Variants in CFAP299 observed in about 807,000 individuals in gnomAD.
CFAP299 encodes cilia and flagella associated protein 299, also known as cilia- and flagella-associated protein 299.
Under a neutral mutation model 27.0 loss-of-function variants are expected in CFAP299, and 21 were observed. The observed-to-expected ratio is 0.78, with a 90% confidence interval of 0.55 to 1.12. The LOEUF (loss-of-function observed/expected upper bound fraction) is 1.12, where lower values mean the gene tolerates loss of function less well. Among genes scored for constraint, CFAP299 ranks in the 50% most tolerant of loss-of-function variants. CFAP299 has a pLI of 0.00. For synonymous variants in CFAP299, 104 were observed against 98.1 expected (o/e 1.06, Z -0.36); for missense variants, 310 against 276.6 (o/e 1.12, Z -0.86).
chr4:80,548,038 G>A (rs182272572), intron 2 of CFAP299, among the ~76,000 whole-genome samples: 1 of 152,206 alleles, frequency 6.6e-6, no homozygotes, highest in Admixed American at 6.5e-5. Context: ...TATACCCAAA[G>A]GAAAATAAAT....
At chr4:80,436,361 C>T (rs1475130268) in intron 2 of CFAP299, among the ~76,000 whole-genome samples, 1 of 149,250 alleles carries the variant, frequency 6.7e-6, no homozygotes, top group Non-Finnish European at 1.5e-5. Context: ...TGCAGTGGCG[C>T]GATCTCAGCT....
chr4:80,327,025 C>T, the CFAP299 span, among the ~76,000 whole-genome samples: 3 of 152,034 alleles, frequency 2.0e-5, no homozygotes, highest in South Asian at 4.1e-4. Context: ...TAGTAGTGAT[C>T]ACTAGGCAGA....
At chr4:80,799,251 A>G (rs1330694367) in intron 3 of CFAP299, among the ~76,000 whole-genome samples, 1 of 113,078 alleles carries the variant, frequency 8.8e-6, no homozygotes, top group African/African-American at 3.6e-5. Context: ...TATATATTGT[A>G]TAAATATATT....
intron 4 of CFAP299, among the ~76,000 whole-genome samples, chr4:80,896,013 A>ATTTTTTCAAAATTTTAATTTTAT (rs1734594394): frequency 6.6e-6 from 1 of 151,964 alleles, no homozygotes; most frequent in Non-Finnish European, 1.5e-5. Flanking sequence ...TTTATTTTTG[A>ATTTTTTCAAAATTTTAATTTTAT]TGTGAATTTT....
At chr4:80,671,938 G>A (rs955845930) in intron 3 of CFAP299, among the ~76,000 whole-genome samples, 1 of 151,954 alleles carries the variant, frequency 6.6e-6, no homozygotes, top group Non-Finnish European at 1.5e-5. Flanking sequence ...ATGTCATCAT[G>A]TCATCTGCAC....
chr4:80,788,753 G>A (rs1727386672), intron 3 of CFAP299, among the ~76,000 whole-genome samples: 1 of 151,978 alleles, frequency 6.6e-6, no homozygotes, highest in Admixed American at 6.6e-5. Flanking sequence ...GAAGGGAAGT[G>A]AGAGGAAGAG....
At chr4:80,611,221 A>G (rs1454850064) in intron 3 of CFAP299, among the ~76,000 whole-genome samples, 1 of 152,076 alleles carries the variant, frequency 6.6e-6, no homozygotes, top group Non-Finnish European at 1.5e-5. Context: ...AAAGATATTA[A>G]AAGGAAGCAT....
At chr4:80,684,298 T>G (rs1274266580) in intron 3 of CFAP299, among the ~76,000 whole-genome samples, 1 of 152,008 alleles carries the variant, frequency 6.6e-6, no homozygotes, top group Non-Finnish European at 1.5e-5. Flanking sequence ...GGAGCCTCAC[T>G]TTGTTGCCCA....
At chr4:80,533,126 C>G (rs1733557436) in intron 2 of CFAP299, among the ~76,000 whole-genome samples, 1 of 152,186 alleles carries the variant, frequency 6.6e-6, no homozygotes, top group Non-Finnish European at 1.5e-5. Context: ...CTACTGTAAT[C>G]TGAGTTGAGC....
intron 2 of CFAP299, among the ~76,000 whole-genome samples, chr4:80,505,612 T>C (rs1731987014): frequency 6.6e-6 from 1 of 152,168 alleles, no homozygotes; most frequent in African/African-American, 2.4e-5. Context: ...TAAGCAATAC[T>C]GGAAAGGTAC....
chr4:80,542,564 A>G (rs886634539), intron 2 of CFAP299, among the ~76,000 whole-genome samples: 1 of 152,082 alleles, frequency 6.6e-6, no homozygotes, highest in Admixed American at 6.5e-5. Context: ...GCTCTGACCT[A>G]TGTTAGCTGC....
intron 3 of CFAP299, among the ~76,000 whole-genome samples, chr4:80,698,430 C>T (rs999352251): frequency 2.0e-5 from 3 of 152,156 alleles, no homozygotes; most frequent in Non-Finnish European, 4.4e-5. Context: ...TGAGAATACT[C>T]TATTTGAACT....
At chr4:80,441,350 G>A (rs942438525) in intron 2 of CFAP299, among the ~76,000 whole-genome samples, 9 of 152,190 alleles carry the variant, frequency 5.9e-5, no homozygotes, top group Non-Finnish European at 1.0e-4. Context: ...GAGTAACAGC[G>A]GATCTCTCTG....
rs1356368980 is a variant in CFAP299, at chr4:80,955,025, A to C, written c.607-8492A>C. Among the ~76,000 whole-genome samples the C allele has an allele frequency of 9.2e-5, 10 of 108,402 alleles. 2 individuals carry two copies. Among genetic ancestry groups the C allele is most frequent in the African/African-American group, 3.5e-4 (10 of 28,802 alleles). 71.1% of individuals were successfully genotyped at this position (108,402 alleles called of 152,430 possible). A position where few individuals can be genotyped will look rare whatever the true frequency, so the allele number is the denominator to read the frequency against. ...AAAAAAAAAAAAAAAAAAAAAAAAA[A>C]AAAAAAAAACGCACACATGGCCATA... is the stretch of plus-strand genomic sequence containing the variant. On this transcript the variant is annotated intron_variant, in intron 5 of 5. Coordinates refer to ENST00000358105, the MANE Select transcript of CFAP299 (RefSeq NM_152770.3).
At chr4:80,442,086 A>G (rs1473916726) in intron 2 of CFAP299, among the ~76,000 whole-genome samples, 1 of 152,214 alleles carries the variant, frequency 6.6e-6, no homozygotes, top group Non-Finnish European at 1.5e-5. Flanking sequence ...AAAGAGACTT[A>G]GACTCCCACA....
chr4:80,390,676 T>C (rs557306629), intron 2 of CFAP299, among the ~76,000 whole-genome samples: 4 of 145,240 alleles, frequency 2.8e-5, no homozygotes, highest in African/African-American at 1.0e-4. Context: ...TATGTATACA[T>C]GTATACACAC....
chr4:80,470,050 G>A (rs1729912807), intron 2 of CFAP299, among the ~76,000 whole-genome samples: 1 of 151,886 alleles, frequency 6.6e-6, no homozygotes, highest in Admixed American at 6.6e-5. Flanking sequence ...TCCTCTCTGT[G>A]GTCATCAGCT....
chr4:80,335,629 G>T, upstream of CFAP299: 2 of 670,550 alleles, frequency 3.0e-6, no homozygotes, highest in Non-Finnish European at 5.4e-6. Flanking sequence ...GACAGAAACT[G>T]CAACAAACCG....
intron 2 of CFAP299, among the ~76,000 whole-genome samples, chr4:80,580,032 T>A (rs898524270): frequency 6.6e-6 from 1 of 152,122 alleles, no homozygotes; most frequent in African/African-American, 2.4e-5. Context: ...GTACCCTAAC[T>A]GTATAGTCAT....
Sources: gnomAD v4.1 joint callset for allele counts (sites outside exome capture counted in the v4.1 genomes callset) on GRCh38, gnomAD v4.1.1 for gene constraint, MANE v1.5 for transcripts, NCBI Gene and HGNC (gene_info 2026-07-23, HGNC 2026-07-21) for gene names.